The following GRK5 variants were observed in gnomAD, a reference collection of about 807,000 sequenced individuals.
The protein encoded by GRK5 is G protein-coupled receptor kinase 5.
In GRK5, 40 loss-of-function variants were observed where a neutral mutation model predicts 78.4. The observed-to-expected ratio is 0.51, with a 90% CI of 0.40 to 0.66. The LOEUF is 0.66. Among genes scored for constraint, GRK5 ranks in the 30% least tolerant of loss-of-function variants. The probability of loss-of-function intolerance (pLI) is 0.00; values close to 1 mark genes in which losing one functional copy is unlikely to be tolerated. For missense variants in GRK5, 598 were observed against 759.9 expected, an observed-to-expected ratio of 0.79 and a Z score of 2.50; for synonymous variants, 289 against 296.8, an observed-to-expected ratio of 0.97 and a Z score of 0.27.
chr10:119,391,387 A>G (rs1339423180), intron 3 of GRK5, among the ~76,000 whole-genome samples: 1 of 152,230 alleles, frequency 6.6e-6, no homozygotes, highest in East Asian at 1.9e-4. Context: ...ACCCATCTGA[A>G]GCACCGTGCA....
chr10:119,421,069 T>C (rs1433103128), intron 4 of GRK5, among the ~76,000 whole-genome samples: 1 of 152,226 alleles, frequency 6.6e-6, no homozygotes, highest in Non-Finnish European at 1.5e-5. Flanking sequence ...CATCTCTATC[T>C]GGTCCTTGCT....
intron 1 of GRK5, among the ~76,000 whole-genome samples, chr10:119,263,015 AT>A (rs200363393): frequency 5.3e-5 from 8 of 149,716 alleles, no homozygotes; most frequent in African/African-American, 1.2e-4. Context: ...CACAATGTAC[AT>A]TTTTTTTTTG....
intron 1 of GRK5, among the ~76,000 whole-genome samples, chr10:119,318,619 G>A (rs566687982): frequency 9.3e-4 from 142 of 152,200 alleles, no homozygotes; most frequent in African/African-American, 3.1e-3. Flanking sequence ...GCTGTAGGCC[G>A]CTCACTGCTC....
At chr10:119,273,743 T>C (rs1589715652) in intron 1 of GRK5, among the ~76,000 whole-genome samples, 1 of 152,156 alleles carries the variant, frequency 6.6e-6, no homozygotes, top group Non-Finnish European at 1.5e-5. Context: ...TTATTTCTTG[T>C]TGAGATTTTT....
At chr10:119,423,801 G>GCACACA (rs34038078) in intron 5 of GRK5, among the ~76,000 whole-genome samples, 3 of 151,126 alleles carry the variant, frequency 2.0e-5, no homozygotes, top group Non-Finnish European at 4.4e-5. Context: ...ACACACGCAA[G>GCACACA]CACACACACA....
intron 1 of GRK5, among the ~76,000 whole-genome samples, chr10:119,287,281 GGA>G (rs1849865397): frequency 7.2e-6 from 1 of 138,288 alleles, no homozygotes; most frequent in Non-Finnish European, 1.6e-5. Flanking sequence ...AGGAAGGGAG[GGA>G]GAGAAGAAAG....
chr10:119,294,275 A>G (rs916519488), intron 1 of GRK5, among the ~76,000 whole-genome samples: 2 of 152,018 alleles, frequency 1.3e-5, no homozygotes, highest in South Asian at 4.2e-4. Context: ...ACCACTTTTA[A>G]TGGGTCCACA....
At chr10:119,414,377 G>A (rs79518113) in intron 4 of GRK5, among the ~76,000 whole-genome samples, 5,286 of 148,842 alleles carry the variant, frequency 0.036, 150 homozygotes, top group Middle Eastern at 0.1. Flanking sequence ...GGACGTTAGC[G>A]TGTGTGTGTG....
At chr10:119,383,309 C>T (rs775363209) in intron 3 of GRK5, among the ~76,000 whole-genome samples, 1 of 152,170 alleles carries the variant, frequency 6.6e-6, no homozygotes, top group Admixed American at 6.5e-5. Context: ...GAGTGGGATT[C>T]GACTTCCTCA....
At position 119,372,956 on chromosome 10, in the gene GRK5, C is replaced by G. The variant is rs148352492; in HGVS notation, c.149-7859C>G. Among the ~76,000 whole-genome samples the G allele has an allele frequency of 7.7e-4, 118 of 152,296 alleles. 2 individuals carry two copies. In the East Asian group the frequency reaches 0.021, roughly 27 times the overall value. ...AAGACCTTGTGTTTCTAGAGCAGTT[C>G]AAAGTGTGGTTCGTGGACTGATTTT... is the stretch of plus-strand genomic sequence containing the variant. On this transcript the variant is annotated intron_variant, in intron 2 of 15. Transcript: ENST00000392870.
chr10:119,229,841 T>TAG (rs1198357064), intron 1 of GRK5, among the ~76,000 whole-genome samples: 1 of 152,318 alleles, frequency 6.6e-6, no homozygotes, highest in South Asian at 2.1e-4. Context: ...TTTATAGAGA[T>TAG]AGATGTATTT....
At chr10:119,423,429 A>T (rs913075591) in intron 5 of GRK5, among the ~76,000 whole-genome samples, 163 bp downstream of exon 5, 1 of 151,412 alleles carries the variant, frequency 6.6e-6, no homozygotes, top group African/African-American at 2.4e-5. Context: ...AGAGAAAAAG[A>T]TATCAAGGTG....
intron 1 of GRK5, among the ~76,000 whole-genome samples, chr10:119,289,006 A>G (rs1227081154): frequency 5.3e-5 from 8 of 152,168 alleles, no homozygotes; most frequent in African/African-American, 1.9e-4. Context: ...TTCAAAAAAC[A>G]TGCCTTTTCC....
intron 2 of GRK5, among the ~76,000 whole-genome samples, chr10:119,362,528 C>T (rs1851382699): frequency 6.6e-6 from 1 of 152,230 alleles, no homozygotes; most frequent in African/African-American, 2.4e-5. Context: ...AACTATAACT[C>T]TTCATAAAAT....
At chr10:119,309,125 C>T (rs1850320043) in intron 1 of GRK5, among the ~76,000 whole-genome samples, 1 of 152,222 alleles carries the variant, frequency 6.6e-6, no homozygotes, top group Non-Finnish European at 1.5e-5. Context: ...ACCGTGTGGT[C>T]TCTAAGAAGA....
Position 119,431,615 on chromosome 10 carries a change from G to C in GRK5, c.738+88G>C. 2.0e-6 allele frequency: 3 copies of C among 1,475,860 alleles called. No homozygotes were observed. The highest frequency in any genetic ancestry group is 4.2e-5 in the Admixed American group (2 of 47,982). The allele number at this position is 1,475,860 out of a possible 1,614,324, so 91.4% of individuals were successfully genotyped here. A position where few individuals can be genotyped will look rare whatever the true frequency, so the allele number is the denominator to read the frequency against. On this transcript the variant is annotated intron_variant, in intron 8 of 15. Transcript: ENST00000392870. This position sits in a 1 kb window ranked among gnomAD's most constrained non-coding sequence, Gnocchi z 4.8. ...CCGGAAGGGCGTGGTCCTCTAATGC[G>C]GCCGGTCCCCACCCCTGGGAAGGGG... is the stretch of plus-strand genomic sequence containing the variant.
chr10:119,313,568 C>T (rs1284695611), intron 1 of GRK5, among the ~76,000 whole-genome samples: 2 of 152,140 alleles, frequency 1.3e-5, no homozygotes, highest in African/African-American at 2.4e-5. Flanking sequence ...CACCCGCTTA[C>T]ATTGCAGTGA....
intron 4 of GRK5, among the ~76,000 whole-genome samples, chr10:119,410,604 A>G (rs1852320791): frequency 6.6e-6 from 1 of 152,092 alleles, no homozygotes; most frequent in African/African-American, 2.4e-5. Context: ...TCCCAGCCAC[A>G]CGGCCCTCAC....
chr10:119,431,060 G>A lies in GRK5; in HGVS notation c.598-327G>A, dbSNP rs77390987. On this transcript the variant is annotated intron_variant, in intron 7 of 15. Transcript: ENST00000392870. This position sits in a 1 kb window ranked among gnomAD's most constrained non-coding sequence, Gnocchi z 4.8. ...CAAACTTCTCTACCGGCAGCCGGTA[G>A]GAGAAAATCCTGTTGCCCTGGGAAT... is the stretch of plus-strand genomic sequence containing the variant. Among the ~76,000 whole-genome samples, 1,556 of 152,346 alleles carry A rather than the reference G, an allele frequency of 0.01. 27 individuals carry two copies. Among genetic ancestry groups the A allele is most frequent in the African/African-American group, 0.035 (1,471 of 41,564 alleles).
Sources: gnomAD v4.1 joint callset for allele counts (sites outside exome capture counted in the v4.1 genomes callset) on GRCh38, gnomAD v4.1.1 for gene constraint, Gnocchi (gnomAD v3.1) non-coding constraint, MANE v1.5 for transcripts, NCBI Gene and HGNC (gene_info 2026-07-23, HGNC 2026-07-21) for gene names.